Variants in DOCK1 observed in about 807,000 individuals in gnomAD.
DOCK1 encodes dedicator of cytokinesis 1.
A neutral mutation model predicts 262.7 loss-of-function variants in DOCK1; 138 were observed. That is an observed-to-expected ratio of 0.53 (90% CI 0.46 to 0.61). The LOEUF (loss-of-function observed/expected upper bound fraction) is 0.61. Ranked by LOEUF, DOCK1 falls within the 20% of genes least tolerant of loss-of-function variation. The probability of loss-of-function intolerance (pLI) is 0.00; values close to 1 mark genes in which losing one functional copy is unlikely to be tolerated. For synonymous variants in DOCK1, 866 were observed against 867.4 expected (o/e 1.00, Z 0.03); for missense variants, 1,908 against 2,370.7 (o/e 0.80, Z 4.05).
intron 27 of DOCK1, among the ~76,000 whole-genome samples, chr10:127,199,256 G>A (rs751551632): frequency 5.3e-5 from 8 of 152,094 alleles, no homozygotes; most frequent in Non-Finnish European, 8.8e-5. Context: ...AAATATCCAC[G>A]TCTCTCTTCT....
In DOCK1 at chr10:127,354,747, G is replaced by A. The variant is rs373282788; in HGVS notation, c.3283+20G>A. 1.2e-6 allele frequency: 2 copies of A among 1,613,748 alleles called. No individual in the cohort carries two copies. The highest frequency in any genetic ancestry group is 1.7e-5 in the Admixed American group (1 of 60,004). ...ACCTTGGTGAGTAGCCTGGATGTGG[G>A]GGCATAGTGAATATCTTGCATCCCT... On this transcript the variant is annotated intron_variant, in intron 32 of 51. Coordinates refer to ENST00000623213, the MANE Select transcript of DOCK1 (RefSeq NM_001290223.2).
chr10:127,324,416 C>A (rs7920388), intron 29 of DOCK1, among the ~76,000 whole-genome samples: 1 of 152,124 alleles, frequency 6.6e-6, no homozygotes, highest in African/African-American at 2.4e-5. Context: ...GAGAAGACAG[C>A]CTCTGGGTCT....
chr10:127,037,849 T>A, intron 19 of DOCK1, 33 bp downstream of exon 19: 509 of 123,056 alleles, frequency 4.1e-3, no homozygotes, highest in Non-Finnish European at 6.0e-3. Flanking sequence ...TTTTTGGGTC[T>A]TTTTTTTTTT....
At chr10:127,324,844 G>T (rs1024699909) in intron 29 of DOCK1, among the ~76,000 whole-genome samples, 1 of 152,188 alleles carries the variant, frequency 6.6e-6, no homozygotes, top group African/African-American at 2.4e-5. Context: ...CCTGAGCCTT[G>T]ATAAATGATT....
Position 127,036,035 on chromosome 10 carries a change from T to TAAAGAAAG in DOCK1, c.1913-1681_1913-1680insGAAAGAAA, listed in dbSNP as rs1326987253. Among the ~76,000 whole-genome samples, 33 of 149,488 alleles carry TAAAGAAAG rather than the reference T, an allele frequency of 2.2e-4. 2 individuals carry two copies. Among genetic ancestry groups the TAAAGAAAG allele is most frequent in the African/African-American group, 7.8e-4 (31 of 39,920 alleles). On this transcript the variant is annotated intron_variant, in intron 18 of 51. Coordinates refer to ENST00000623213, the MANE Select transcript of DOCK1 (RefSeq NM_001290223.2). ...ATAAATAAATAAATAAATAAATAAA[T>TAAAGAAAG]AAATAAATAAAAAAGAGTAGAGTGC...
intron 22 of DOCK1, among the ~76,000 whole-genome samples, chr10:127,055,762 A>C (rs1293277285): frequency 6.6e-6 from 1 of 152,182 alleles, no homozygotes; most frequent in Non-Finnish European, 1.5e-5. Context: ...CTTTGGCTTT[A>C]AGTATCTCTT....
At chr10:127,184,201 T>A (rs2055999906) in intron 27 of DOCK1, among the ~76,000 whole-genome samples, 1 of 152,150 alleles carries the variant, frequency 6.6e-6, no homozygotes, top group Admixed American at 6.5e-5. Context: ...AAGGCAGGAC[T>A]GGACTTGGTT....
At chr10:127,236,279 A>G (rs1191833925) in intron 27 of DOCK1, among the ~76,000 whole-genome samples, 2 of 151,868 alleles carry the variant, frequency 1.3e-5, no homozygotes, top group Non-Finnish European at 2.9e-5. Flanking sequence ...ATTTTGAGTC[A>G]ATTTTTGTAT....
At chr10:127,049,486 A>G (rs980326838) in intron 21 of DOCK1, among the ~76,000 whole-genome samples, 2 of 152,188 alleles carry the variant, frequency 1.3e-5, no homozygotes, top group African/African-American at 4.8e-5. Flanking sequence ...ACGCTACTGC[A>G]CGCCAGCCTG....
At chr10:127,201,762 T>G (rs1195758579) in intron 27 of DOCK1, among the ~76,000 whole-genome samples, 1 of 152,152 alleles carries the variant, frequency 6.6e-6, no homozygotes. Context: ...GCCTCTCCTT[T>G]CTTTTAGGCG....
chr10:127,302,890 G>A (rs913576373), intron 29 of DOCK1, among the ~76,000 whole-genome samples: 1 of 152,062 alleles, frequency 6.6e-6, no homozygotes, highest in Non-Finnish European at 1.5e-5. Context: ...GAAAATGCAG[G>A]TGCATGGTCA....
Position 126,919,599 on chromosome 10 carries a change from G to T in DOCK1, c.46+14036G>T, listed in dbSNP as rs116848078. 6.1e-4 allele frequency among the ~76,000 whole-genome samples: 93 copies of T among 152,280 alleles called. 1 individual carries two copies. The East Asian group carries it at 0.015, about 24-fold the overall frequency. ...CTGAGACTTAGGTGACCCCGATGACGGTCTGTGCTATTTCCATACTCAGGC... is the reference window on the plus strand; with the variant it reads ...CTGAGACTTAGGTGACCCCGATGACTGTCTGTGCTATTTCCATACTCAGGC... On this transcript the variant is annotated intron_variant, in intron 1 of 51. Coordinates refer to ENST00000623213, the MANE Select transcript of DOCK1 (RefSeq NM_001290223.2).
intron 22 of DOCK1, among the ~76,000 whole-genome samples, chr10:127,060,672 C>G (rs1407100366): frequency 6.6e-6 from 1 of 151,802 alleles, no homozygotes; most frequent in Non-Finnish European, 1.5e-5. Flanking sequence ...AATTTACAAA[C>G]GAGACTTATT....
At chr10:127,405,694 G>T (rs576123988) in intron 40 of DOCK1, among the ~76,000 whole-genome samples, 113 of 152,218 alleles carry the variant, frequency 7.4e-4, no homozygotes, top group Middle Eastern at 3.4e-3. Flanking sequence ...CCTTAGGAAG[G>T]GCATGTCACT....
intron 12 of DOCK1, among the ~76,000 whole-genome samples, chr10:127,018,297 C>G (rs1006094904): frequency 6.6e-6 from 1 of 152,200 alleles, no homozygotes; most frequent in African/African-American, 2.4e-5. Context: ...GAATTCACCT[C>G]CAGAATCCTC....
Position 126,975,017 on chromosome 10 carries a change from G to C in DOCK1, c.131-2931G>C, listed in dbSNP as rs143963634. Among the ~76,000 whole-genome samples, 457 of 152,130 alleles carry C rather than the reference G, an allele frequency of 3.0e-3. 4 individuals carry two copies. Among genetic ancestry groups the C allele is most frequent in the African/African-American group, 0.01 (430 of 41,490 alleles). On this transcript the variant is annotated intron_variant, in intron 2 of 51. Coordinates refer to ENST00000623213, the MANE Select transcript of DOCK1 (RefSeq NM_001290223.2). The stretch of plus-strand genomic sequence containing the variant: ...GCCCTTCCTCCTCCTGCCTCCCATA[G>C]AAAACCTTTCTACTGTGTGTGAAGT...
intron 47 of DOCK1, among the ~76,000 whole-genome samples, chr10:127,432,644 A>G (rs1337971766): frequency 6.6e-6 from 1 of 152,172 alleles, no homozygotes; most frequent in African/African-American, 2.4e-5. Context: ...TATGTCAAGA[A>G]GAAGATGGAA....
At chr10:127,137,462 A>G (rs1461366376) in intron 27 of DOCK1, 1 of 168,252 alleles carries the variant, frequency 5.9e-6, no homozygotes, top group Non-Finnish European at 1.3e-5. Context: ...AAAAAAAATC[A>G]AGGCTTGAAA....
intron 29 of DOCK1, among the ~76,000 whole-genome samples, chr10:127,334,219 C>T (rs745871708): frequency 6.6e-6 from 1 of 151,868 alleles, no homozygotes; most frequent in Non-Finnish European, 1.5e-5. Flanking sequence ...GGTAGCTCCA[C>T]GTTTAAATGG....
Sources: allele counts gnomAD v4.1 joint callset (sites outside exome capture counted in the v4.1 genomes callset), GRCh38; gene constraint gnomAD v4.1.1; transcripts MANE v1.5; gene names NCBI Gene and HGNC (gene_info 2026-07-23, HGNC 2026-07-21).